The following GPC6 variants were observed in gnomAD, a reference collection of about 807,000 sequenced individuals.
GPC6 encodes the protein glypican-6.
GPC6 carries 14 observed loss-of-function variants against 55.2 expected under a neutral mutation model. The observed-to-expected ratio is 0.25, with a 90% CI of 0.17 to 0.40. GPC6 has a LOEUF of 0.40. Ranked by LOEUF, GPC6 falls within the 10% of genes least tolerant of loss-of-function variation. The pLI, the probability that GPC6 is intolerant of heterozygous loss-of-function variation, is 1.00. For synonymous variants in GPC6, 278 were observed against 259.6 expected (o/e 1.07, Z -0.68); for missense variants, 641 against 708.5 (o/e 0.90, Z 1.08).
chr13:93,879,698 G>C (rs2140308629), intron 3 of GPC6, among the ~76,000 whole-genome samples: 1 of 151,810 alleles, frequency 6.6e-6, no homozygotes, highest in Admixed American at 6.6e-5. Flanking sequence ...GGCAACAAAA[G>C]CCAAAATTGA....
chr13:94,222,576 C>A (rs913022726), intron 4 of GPC6, among the ~76,000 whole-genome samples: 8 of 152,066 alleles, frequency 5.3e-5, no homozygotes, highest in African/African-American at 1.9e-4. Context: ...ATTGGAAGGG[C>A]AGCTCCCTGG....
chr13:93,784,700 A>G (rs1166177994), intron 2 of GPC6, among the ~76,000 whole-genome samples: 1 of 152,220 alleles, frequency 6.6e-6, no homozygotes, highest in African/African-American at 2.4e-5. Context: ...GCTTGAAGAG[A>G]AATTCTCAAA....
At chr13:93,246,518 C>T (rs1021902240) in intron 1 of GPC6, among the ~76,000 whole-genome samples, 1 of 151,910 alleles carries the variant, frequency 6.6e-6, no homozygotes, top group African/African-American at 2.4e-5. Context: ...CTTTTATTTA[C>T]TATTTTCTTA....
chr13:93,955,800 A>T lies in GPC6; in HGVS notation c.712-71929A>T, dbSNP rs532531135. Among the ~76,000 whole-genome samples the T allele has an allele frequency of 3.0e-4, 45 of 152,348 alleles. 1 individual carries two copies. Among genetic ancestry groups the T allele is most frequent in the South Asian group, 8.3e-4 (4 of 4,830 alleles). ...AATAAACCTTACTTTAACAGAATTT[A>T]ACAGATATCTCTTTAAAAAACTGCT... On this transcript the variant is annotated intron_variant, in intron 3 of 8. Transcript: ENST00000377047.
intron 1 of GPC6, among the ~76,000 whole-genome samples, chr13:93,301,970 T>G (rs1878697169): frequency 6.6e-6 from 1 of 152,202 alleles, no homozygotes; most frequent in African/African-American, 2.4e-5. Context: ...TTAATACCCC[T>G]ACAAAGCTTC....
At position 93,578,096 on chromosome 13, in the gene GPC6, G is replaced by A. The variant is rs180729345; in HGVS notation, c.319+32675G>A. ...TGTTTTTAATGTTCTGCTGAATTTG[G>A]TTTGCTAGTATTTTGTTGAGGATTT... On this transcript the variant is annotated intron_variant, in intron 2 of 8. Coordinates refer to ENST00000377047, the MANE Select transcript of GPC6 (RefSeq NM_005708.5). Among the ~76,000 whole-genome samples, 439 of 152,106 alleles carry A rather than the reference G, an allele frequency of 2.9e-3. 2 individuals carry two copies. Among genetic ancestry groups the A allele is most frequent in the African/African-American group, 0.01 (417 of 41,528 alleles).
chr13:94,344,297 T>C (rs1432617317), intron 6 of GPC6, among the ~76,000 whole-genome samples: 1 of 152,242 alleles, frequency 6.6e-6, no homozygotes, highest in Non-Finnish European at 1.5e-5. Context: ...ATGTAAAGAA[T>C]GTTTTGTTAA....
At chr13:94,245,900 A>T (rs1891181452) in intron 4 of GPC6, among the ~76,000 whole-genome samples, 1 of 152,074 alleles carries the variant, frequency 6.6e-6, no homozygotes, top group Admixed American at 6.6e-5. Context: ...TTGCTACAAC[A>T]TATGATAATT....
At chr13:93,599,508 G>A (rs907202447) in intron 2 of GPC6, among the ~76,000 whole-genome samples, 1 of 152,014 alleles carries the variant, frequency 6.6e-6, no homozygotes, top group Admixed American at 6.6e-5. Flanking sequence ...TCTGTGATTT[G>A]TCTAAAAAAT....
intron 1 of GPC6, among the ~76,000 whole-genome samples, chr13:93,384,639 T>TGACA (rs546606037): frequency 7.9e-5 from 12 of 152,278 alleles, no homozygotes; most frequent in Admixed American, 7.2e-4. Context: ...CTGATTTGAG[T>TGACA]GACACTGCAC....
rs538531834 is a variant in GPC6, at chr13:93,784,621, C to A, written c.320-45533C>A. Among the ~76,000 whole-genome samples, 34 of 152,282 alleles carry A rather than the reference C, an allele frequency of 2.2e-4. No homozygotes were observed. In the South Asian group the frequency reaches 7.0e-3, roughly 32 times the overall value. ...CCTGTTATCTATTTTAGAATCCCATCGCTGAAACCTCTTGTCTACTTCCAA... is the reference window on the plus strand; with the variant it reads ...CCTGTTATCTATTTTAGAATCCCATAGCTGAAACCTCTTGTCTACTTCCAA... On this transcript the variant is annotated intron_variant, in intron 2 of 8. Coordinates refer to ENST00000377047, the MANE Select transcript of GPC6 (RefSeq NM_005708.5).
chr13:93,789,973 A>G (rs557986549), intron 2 of GPC6, among the ~76,000 whole-genome samples: 7 of 152,274 alleles, frequency 4.6e-5, no homozygotes, highest in Admixed American at 3.3e-4. Context: ...TTTAAAAAAT[A>G]AAACATTAAA....
chr13:94,373,524 A>G (rs1385161729), intron 6 of GPC6, among the ~76,000 whole-genome samples: 1 of 152,216 alleles, frequency 6.6e-6, no homozygotes, highest in African/African-American at 2.4e-5. Flanking sequence ...AAAAAGAATA[A>G]AAAGAAATGA....
chr13:94,124,441 A>G (rs563503291), intron 4 of GPC6, among the ~76,000 whole-genome samples: 1 of 152,264 alleles, frequency 6.6e-6, no homozygotes, highest in East Asian at 1.9e-4. Context: ...AACTCATCAT[A>G]TGAAAACAAA....
intron 4 of GPC6, among the ~76,000 whole-genome samples, chr13:94,029,582 AT>A (rs1883036156): frequency 6.6e-6 from 1 of 152,242 alleles, no homozygotes; most frequent in Non-Finnish European, 1.5e-5. Context: ...ACCTCGTAGC[AT>A]CATTTGGAGT....
At chr13:93,438,830 T>G (rs1877669133) in intron 1 of GPC6, among the ~76,000 whole-genome samples, 2 of 152,152 alleles carry the variant, frequency 1.3e-5, no homozygotes, top group Admixed American at 1.3e-4. Flanking sequence ...TCAAATAGGA[T>G]AGCATGCTAC....
At chr13:93,759,882 A>G (rs1442636281) in intron 2 of GPC6, among the ~76,000 whole-genome samples, 2 of 151,890 alleles carry the variant, frequency 1.3e-5, no homozygotes, top group Admixed American at 6.6e-5. Context: ...CCAGTAATAT[A>G]TGTTGACTCT....
chr13:94,049,442 T>C (rs1362796688), intron 4 of GPC6, among the ~76,000 whole-genome samples: 2 of 151,978 alleles, frequency 1.3e-5, no homozygotes, highest in Admixed American at 1.3e-4. Flanking sequence ...AACAAATAAT[T>C]TGCCTCAGAT....
chr13:94,396,107 T>A (rs1302454635), intron 7 of GPC6, among the ~76,000 whole-genome samples: 2 of 152,182 alleles, frequency 1.3e-5, no homozygotes, highest in African/African-American at 2.4e-5. Context: ...CACTAACAAC[T>A]TCTTCCCTTT....
Sources: allele counts gnomAD v4.1 joint callset (sites outside exome capture counted in the v4.1 genomes callset), GRCh38; gene constraint gnomAD v4.1.1; transcripts MANE v1.5; gene names NCBI Gene and HGNC (gene_info 2026-07-23, HGNC 2026-07-21).